Variants in CNTNAP2 observed in about 807,000 individuals in gnomAD.
The protein encoded by CNTNAP2 is contactin-associated protein-like 2.
Under a neutral mutation model 155.2 loss-of-function variants are expected in CNTNAP2, and 98 were observed. That is an observed-to-expected ratio of 0.63 (90% confidence interval 0.54 to 0.75). The LOEUF is 0.75. Among genes scored for constraint, CNTNAP2 ranks in the 30% least tolerant of loss-of-function variants. The pLI is 0.00. For missense variants in CNTNAP2, 1,727 were observed against 1,688.1 expected (o/e 1.02, Z -0.40); for synonymous variants, 651 against 631.2 (o/e 1.03, Z -0.47).
chr7:147,086,026 C>G (rs532980034), intron 4 of CNTNAP2, among the ~76,000 whole-genome samples: 1 of 152,084 alleles, frequency 6.6e-6, no homozygotes, highest in Non-Finnish European at 1.5e-5. Flanking sequence ...GTAGAAAAAC[C>G]CAGTGGGGCA....
chr7:146,385,946 T>C (rs941445977), intron 1 of CNTNAP2, among the ~76,000 whole-genome samples: 1 of 152,180 alleles, frequency 6.6e-6, no homozygotes, highest in Non-Finnish European at 1.5e-5. Context: ...GAATTTTTAT[T>C]TTCATAAGCA....
chr7:146,496,383 T>C (rs1056859199), intron 1 of CNTNAP2, among the ~76,000 whole-genome samples: 12 of 152,206 alleles, frequency 7.9e-5, no homozygotes, highest in Admixed American at 7.2e-4. Context: ...TTCAGATACA[T>C]TCACCGATTT....
At chr7:147,377,114 G>C (rs986337621) in intron 9 of CNTNAP2, among the ~76,000 whole-genome samples, 11 of 148,990 alleles carry the variant, frequency 7.4e-5, no homozygotes, top group African/African-American at 2.7e-4. Context: ...TTTTCTTTTT[G>C]ATTTTCCTTT....
Position 147,300,302 on chromosome 7 carries a change from A to C in CNTNAP2, c.1498+12A>C. On this transcript the variant is annotated intron_variant, in intron 9 of 23. Transcript: ENST00000361727. ...GTACTTTTTTGGAGGTAAGAATGCC[A>C]TTCCTTTTTGGTTACTAATCCATTG... 2.5e-6 allele frequency: 4 copies of C among 1,613,718 alleles called. No individual in the cohort carries two copies. The highest frequency in any genetic ancestry group is 3.4e-6 in the Non-Finnish European group (4 of 1,179,752).
chr7:147,350,428 C>G (rs1383737548), intron 9 of CNTNAP2, among the ~76,000 whole-genome samples: 2 of 151,824 alleles, frequency 1.3e-5, no homozygotes, highest in Non-Finnish European at 2.9e-5. Context: ...CTTTTATACA[C>G]TTTATAGTAC....
At chr7:146,952,839 T>C (rs1008196587) in intron 3 of CNTNAP2, among the ~76,000 whole-genome samples, 1 of 152,094 alleles carries the variant, frequency 6.6e-6, no homozygotes, top group African/African-American at 2.4e-5. Context: ...GTCCAGTAGA[T>C]TTATTTTCAT....
intron 8 of CNTNAP2, among the ~76,000 whole-genome samples, chr7:147,294,815 C>A (rs538964836): frequency 5.3e-5 from 8 of 152,030 alleles, no homozygotes; most frequent in African/African-American, 1.9e-4. Context: ...CCCACCACCA[C>A]ACCCGGCTAA....
intron 12 of CNTNAP2, among the ~76,000 whole-genome samples, chr7:147,609,691 G>A (rs535095387): frequency 4.6e-5 from 7 of 152,142 alleles, no homozygotes; most frequent in Admixed American, 3.9e-4. Context: ...TCCTCTGAGG[G>A]TTTGATGAGT....
chr7:148,243,758 T>C (rs1251262111), intron 20 of CNTNAP2, among the ~76,000 whole-genome samples: 3 of 142,954 alleles, frequency 2.1e-5, no homozygotes, highest in African/African-American at 7.9e-5. Flanking sequence ...ACCATATCAA[T>C]GGATAAAAGG....
rs556721401 is a variant in CNTNAP2, at chr7:147,253,383, GTTT to G, written c.1349-46740_1349-46738del. ...TGCTGATTAGCTTAACAGGTTCTCT[GTTT>G]TTTTTTTTTTTTTTTTTAGAAAAAG... On this transcript the variant is annotated intron_variant, in intron 8 of 23. Coordinates refer to ENST00000361727, the MANE Select transcript of CNTNAP2 (RefSeq NM_014141.6). 8.7e-3 allele frequency among the ~76,000 whole-genome samples: 1,026 copies of G among 118,552 alleles called. 8 individuals are homozygous for G. The highest frequency in any genetic ancestry group is 0.03 in the African/African-American group (969 of 32,824). The allele number at this position is 118,552 out of a possible 152,430, so 77.8% of individuals were successfully genotyped here.
intron 15 of CNTNAP2, among the ~76,000 whole-genome samples, chr7:148,070,110 G>A (rs1803353380): frequency 2.6e-5 from 4 of 152,136 alleles, no homozygotes; most frequent in Admixed American, 2.0e-4. Flanking sequence ...TATATTATCT[G>A]CTAAGAATAT....
chr7:146,301,120 C>T (rs986066844), intron 1 of CNTNAP2, among the ~76,000 whole-genome samples: 3 of 151,982 alleles, frequency 2.0e-5, no homozygotes, highest in African/African-American at 7.2e-5. Context: ...CATTCCAGGT[C>T]AACAGAATCA....
At chr7:146,484,219 G>T (rs182301928) in intron 1 of CNTNAP2, among the ~76,000 whole-genome samples, 165 of 152,276 alleles carry the variant, frequency 1.1e-3, no homozygotes, top group African/African-American at 3.8e-3. Flanking sequence ...TACCATTTAG[G>T]TTTGGTTAAG....
chr7:147,050,239 G>C (rs1799447512), intron 4 of CNTNAP2, among the ~76,000 whole-genome samples: 1 of 152,116 alleles, frequency 6.6e-6, no homozygotes, highest in Non-Finnish European at 1.5e-5. Flanking sequence ...AAAGGAAGAG[G>C]TCTCAGATTA....
At chr7:147,056,367 A>G (rs1298504875) in intron 4 of CNTNAP2, among the ~76,000 whole-genome samples, 1 of 152,130 alleles carries the variant, frequency 6.6e-6, no homozygotes, top group Non-Finnish European at 1.5e-5. Context: ...CAAATGTTTT[A>G]TTAAGGGAAA....
At chr7:148,205,827 C>T (rs1795439924) in intron 18 of CNTNAP2, among the ~76,000 whole-genome samples, 2 of 152,092 alleles carry the variant, frequency 1.3e-5, no homozygotes, top group African/African-American at 4.8e-5. Flanking sequence ...TGCTGGAGGC[C>T]AGGGGCTAGC....
At chr7:147,460,165 C>G (rs1205734302) in intron 10 of CNTNAP2, among the ~76,000 whole-genome samples, 1 of 152,002 alleles carries the variant, frequency 6.6e-6, no homozygotes, top group Non-Finnish European at 1.5e-5. Context: ...AATAGGTCTG[C>G]GGTGCTGCTC....
At chr7:146,796,210 C>T (rs1030453724) in intron 2 of CNTNAP2, among the ~76,000 whole-genome samples, 3 of 152,124 alleles carry the variant, frequency 2.0e-5, no homozygotes, top group African/African-American at 7.2e-5. Context: ...GATGGTGTCA[C>T]AGGACCACCA....
intron 1 of CNTNAP2, among the ~76,000 whole-genome samples, chr7:146,418,307 C>T (rs1399722057): frequency 1.3e-5 from 2 of 152,170 alleles, no homozygotes; most frequent in African/African-American, 4.8e-5. Context: ...GGGCACATCC[C>T]AGCACCTACT....
Sources: gnomAD v4.1 joint callset for allele counts (sites outside exome capture counted in the v4.1 genomes callset) on GRCh38, gnomAD v4.1.1 for gene constraint, MANE v1.5 for transcripts, NCBI Gene and HGNC (gene_info 2026-07-23, HGNC 2026-07-21) for gene names.